The following C19orf18 variants were observed in gnomAD, a reference collection of about 807,000 sequenced individuals.
The protein encoded by C19orf18 is uncharacterized protein C19orf18.
A neutral mutation model predicts 23.3 loss-of-function variants in C19orf18; 21 were observed. The ratio of observed to expected loss-of-function variants is 0.90; its 90% CI spans 0.64 to 1.30. C19orf18 has a LOEUF of 1.30. Ranked by LOEUF, C19orf18 falls within the 50% of genes most tolerant of loss-of-function variation. C19orf18 has a pLI of 0.00. For missense variants in C19orf18, 249 were observed against 259.6 expected (o/e 0.96, Z 0.28); for synonymous variants, 96 against 95.2 (o/e 1.01, Z -0.05).
At chr19:57,972,109 G>A (rs973662867) in intron 3 of C19orf18, among the ~76,000 whole-genome samples, 3 of 152,204 alleles carry the variant, frequency 2.0e-5, no homozygotes, top group African/African-American at 7.2e-5. Flanking sequence ...GGACTCTGAA[G>A]CGAGAGGTGT....
At chr19:57,963,746 C>CT (rs930610508) in intron 4 of C19orf18, among the ~76,000 whole-genome samples, 1 of 151,884 alleles carries the variant, frequency 6.6e-6, no homozygotes, top group Non-Finnish European at 1.5e-5. Context: ...AAAAATTAGC[C>CT]GGGCGTGGTG....
chr19:57,961,166 C>T (rs546942063), intron 5 of C19orf18, among the ~76,000 whole-genome samples: 7 of 151,640 alleles, frequency 4.6e-5, no homozygotes, highest in East Asian at 3.9e-4. Context: ...ATCTGGGAGG[C>T]GGAGCTTGCA....
rs1180640144 is a variant in C19orf18, at chr19:57,960,406, A to G, written c.532+985T>C. 2.7e-5 allele frequency among the ~76,000 whole-genome samples: 4 copies of G among 148,280 alleles called. No individual in the cohort carries two copies. The South Asian group carries it at 6.4e-4, about 24-fold the overall frequency. ...ATGCCACTGCACTCCAGCCTGGGCA[A>G]CAGAGCAAGACTCCGCCTCAAAAAA... On this transcript the variant is annotated intron_variant, in intron 5 of 5. Transcript: ENST00000314391.
chr19:57,961,541 G>C lies in C19orf18; in HGVS notation c.382C>G (p.Gln128Glu). The C allele has an allele frequency of 6.2e-7, 1 of 1,611,626 alleles. No individual in the cohort carries two copies. Among genetic ancestry groups the C allele is most frequent in the Non-Finnish European group, 8.5e-7 (1 of 1,179,406 alleles). Residue 128 changes from glutamine (Q) to glutamate (E), a missense_variant, in exon 5 of 6, where the codon CAG (glutamine) becomes GAG (glutamate). Coordinates refer to ENST00000314391, the MANE Select transcript of C19orf18 (RefSeq NM_152474.5). The stretch of plus-strand genomic sequence containing the variant: ...TCGAGCTGTTGTCTTTCCTCAGCCT[G>C]TGCCAGTCGACTGGAGAATGATATA... Reference protein sequence around the residue: ...AISYMIYRLAQAEERQQLESL... With the variant: ...AISYMIYRLAEAEERQQLESL...
intron 5 of C19orf18, 126 bp downstream of exon 5, chr19:57,961,265 A>AGGAAGAAAGAAAGAAAG: frequency 9.7e-7 from 1 of 1,035,158 alleles, no homozygotes; most frequent in South Asian, 1.8e-5. Flanking sequence ...AAAGGAAGGA[A>AGGAAGAAAGAAAGAAAG]GAAAGAAAGA....
intron 4 of C19orf18, among the ~76,000 whole-genome samples, chr19:57,963,546 T>C (rs1473158678): frequency 6.6e-6 from 1 of 152,120 alleles, no homozygotes; most frequent in Non-Finnish European, 1.5e-5. Context: ...TCAGAATATA[T>C]TTAATAATTG....
chr19:57,963,731 C>CA (rs920692006), intron 4 of C19orf18, among the ~76,000 whole-genome samples: 14 of 150,490 alleles, frequency 9.3e-5, no homozygotes, highest in African/African-American at 2.9e-4. Context: ...AATAAAAATA[C>CA]AAAAAAAAAT....
intron 4 of C19orf18, among the ~76,000 whole-genome samples, chr19:57,963,324 C>T (rs746130242): frequency 7.3e-5 from 11 of 151,588 alleles, no homozygotes; most frequent in East Asian, 2.0e-4. Flanking sequence ...CCACCGCGCC[C>T]GGTCCTTAAC....
At position 57,966,586 on chromosome 19, in the gene C19orf18, C is replaced by G. The variant is rs774863435; in HGVS notation, c.315G>C (p.Ser105=). Residue 105 remains serine (S), a synonymous_variant, in exon 4 of 6, where the codon TCG becomes TCC. Transcript: ENST00000314391. Reference sequence around the variant, plus strand: ...TCAGGGCAATGCTGAAGGCTACGCTCGAAATTAAAATTACTTTAACAAGAG... The same window carrying G: ...TCAGGGCAATGCTGAAGGCTACGCTGGAAATTAAAATTACTTTAACAAGAG... The part of the protein sequence containing the change: ...RPALVKVILI[S]SVAFSIALIC... 9.3e-6 allele frequency: 15 copies of G among 1,613,044 alleles called. No individual in the cohort carries two copies. In the South Asian group the frequency reaches 1.4e-4, roughly 15 times the overall value.
chr19:57,968,873 C>T (rs1217471070), intron 3 of C19orf18, among the ~76,000 whole-genome samples: 1 of 152,130 alleles, frequency 6.6e-6, no homozygotes, highest in Non-Finnish European at 1.5e-5. Context: ...AATCCACAGC[C>T]CACACCCCAA....
chr19:57,966,492 C>T (rs1427413030), intron 4 of C19orf18, 38 bp downstream of exon 4: 5 of 1,291,232 alleles, frequency 3.9e-6, no homozygotes, highest in South Asian at 2.4e-5. Context: ...TGTTATGTCT[C>T]ATTTAAGGAC....
At position 57,966,632 on chromosome 19, in the gene C19orf18, G is replaced by T; in HGVS notation, c.269C>A (p.Ala90Glu). The T allele has an allele frequency of 6.2e-7, 1 of 1,600,472 alleles. No individual in the cohort carries two copies. Residue 90 changes from alanine to glutamate, a missense_variant and splice_region_variant, in exon 4 of 6, where the codon GCA becomes GAA. Transcript: ENST00000314391. The stretch of plus-strand genomic sequence containing the variant: ...AAGAGCAGGTCTATGCCGAATTATT[G>T]CTAAAAAGAAAGAAAAGAAAAGAAG... The part of the protein sequence containing the change: ...TNPMKFLRNK[A>E]IIRHRPALVK...
At chr19:57,963,152 G>C (rs956361521) in intron 4 of C19orf18, among the ~76,000 whole-genome samples, 5 of 150,490 alleles carry the variant, frequency 3.3e-5, no homozygotes, top group African/African-American at 1.2e-4. Flanking sequence ...TCAGCCTCCC[G>C]AGTAGCTGGG....
intron 3 of C19orf18, among the ~76,000 whole-genome samples, chr19:57,967,734 G>A (rs924215876): frequency 4.0e-5 from 6 of 148,502 alleles, no homozygotes; most frequent in African/African-American, 1.5e-4. Context: ...CCTGGGTGAC[G>A]GGAATGAAAC....
In C19orf18 at chr19:57,961,412, G is replaced by A; in HGVS notation, c.511C>T (p.Leu171=). ...CTACCTGAGTGGATGAACTTTTCCAGCTCATTTTCGTTCTCTGGAAGTAGG... is the reference window on the plus strand; with the variant it reads ...CTACCTGAGTGGATGAACTTTTCCAACTCATTTTCGTTCTCTGGAAGTAGG... ...THLLPENENE[L]EKFIHSVIIS... Residue 171 remains leucine (L), a synonymous_variant, in exon 5 of 6, where the codon CTG becomes TTG. Transcript: ENST00000314391. 6.2e-7 allele frequency: 1 copy of A among 1,613,618 alleles called. No homozygotes were observed. Among genetic ancestry groups the A allele is most frequent in the Non-Finnish European group, 8.5e-7 (1 of 1,179,858 alleles).
chr19:57,964,760 T>C (rs1157553135), intron 4 of C19orf18, among the ~76,000 whole-genome samples: 1 of 152,204 alleles, frequency 6.6e-6, no homozygotes, highest in African/African-American at 2.4e-5. Context: ...TGGCAATATA[T>C]CTTGTTTTCA....
chr19:57,958,568 C>T lies in C19orf18; in HGVS notation c.*34G>A, dbSNP rs761449256. On this transcript the variant is annotated 3_prime_UTR_variant, in exon 6 of 6. Transcript: ENST00000314391. Reference sequence around the variant, plus strand: ...GTCTCCCAGCACCCCCATAGTTTCTCCTCTGCCTCAGCCGGCACCTCTGTC... The same window carrying T: ...GTCTCCCAGCACCCCCATAGTTTCTTCTCTGCCTCAGCCGGCACCTCTGTC... 7 of 1,436,646 alleles carry T rather than the reference C, an allele frequency of 4.9e-6. No homozygotes were observed. Among genetic ancestry groups the T allele is most frequent in the Non-Finnish European group, 5.8e-6 (6 of 1,039,780 alleles). 89.0% of individuals were successfully genotyped at this position (1,436,646 alleles called of 1,614,324 possible).
Position 57,972,314 on chromosome 19 carries a change from C to G in C19orf18, c.268+149G>C, listed in dbSNP as rs537372281. The G allele has an allele frequency of 8.6e-4, 766 of 895,384 alleles. 5 individuals carry two copies. The African/African-American group carries it at 0.011, about 13-fold the overall frequency. The allele number at this position is 895,384 out of a possible 1,614,324, so 55.5% of individuals were successfully genotyped here. ...CCCCAAGCGGTGTCACTGCGCATCC[C>G]CCTCCAGAGGGGGCACCTTGTCTAA... On this transcript the variant is annotated intron_variant, in intron 3 of 5. Transcript: ENST00000314391.
At chr19:57,963,869 A>G (rs565127795) in intron 4 of C19orf18, among the ~76,000 whole-genome samples, 99 of 152,266 alleles carry the variant, frequency 6.5e-4, no homozygotes, top group South Asian at 2.5e-3. Flanking sequence ...CAGCCTGGGC[A>G]ACAGAGCAAG....
Sources: gnomAD v4.1 joint callset for allele counts (sites outside exome capture counted in the v4.1 genomes callset) on GRCh38, gnomAD v4.1.1 for gene constraint, MANE v1.5 for transcripts, NCBI Gene and HGNC (gene_info 2026-07-23, HGNC 2026-07-21) for gene names.